Variants in MB21D2 observed in about 807,000 individuals in gnomAD.
MB21D2 encodes Mab-21 domain containing 2.
MB21D2 carries 9 observed loss-of-function variants against 33.3 expected under a neutral mutation model. The ratio of observed to expected loss-of-function variants is 0.27; its 90% CI spans 0.16 to 0.47. MB21D2 has a LOEUF of 0.47. MB21D2 is among the 20% of genes least tolerant of loss of function. The pLI, the probability that MB21D2 is intolerant of heterozygous loss-of-function variation, is 0.99. For missense variants in MB21D2, 540 were observed against 624.6 expected (o/e 0.86, Z 1.44); for synonymous variants, 241 against 236.3 (o/e 1.02, Z -0.18).
chr3:192,868,228 T>C lies in MB21D2; in HGVS notation c.211+49402A>G, dbSNP rs555032465. 3.3e-5 allele frequency among the ~76,000 whole-genome samples: 5 copies of C among 152,342 alleles called. No individual in the cohort carries two copies. In the South Asian group the frequency reaches 6.2e-4, roughly 19 times the overall value. On this transcript the variant is annotated intron_variant, in intron 1 of 1. Coordinates refer to ENST00000392452, the MANE Select transcript of MB21D2 (RefSeq NM_178496.4). ...TCCAGCTCTTAGCCCATCCTCACTA[T>C]GGCAGTCATATCCAAAAGATAGAAG...
At chr3:192,859,026 C>G (rs1712979267) in intron 1 of MB21D2, among the ~76,000 whole-genome samples, 1 of 152,116 alleles carries the variant, frequency 6.6e-6, no homozygotes, top group African/African-American at 2.4e-5. Flanking sequence ...GAAAACTAAG[C>G]CTTTGGAAGG....
At chr3:192,872,591 A>T (rs1343705774) in intron 1 of MB21D2, among the ~76,000 whole-genome samples, 2 of 135,684 alleles carry the variant, frequency 1.5e-5, no homozygotes, top group South Asian at 2.5e-4. Flanking sequence ...AAAAAAAAAA[A>T]GTTGCAAAGC....
chr3:192,852,606 T>G (rs1293361382), intron 1 of MB21D2, among the ~76,000 whole-genome samples: 1 of 152,234 alleles, frequency 6.6e-6, no homozygotes, highest in Non-Finnish European at 1.5e-5. Flanking sequence ...CTAAGTTTCT[T>G]GCATCCTTTT....
In MB21D2 at chr3:192,799,907, G is replaced by A. The variant is rs1711521670; in HGVS notation, c.212-257C>T. ...CAGTATCGTTTTCAATAATAAAACA[G>A]GGCCCCTCTTCCCCCAGTCATCATC... On this transcript the variant is annotated intron_variant, in intron 1 of 1. Coordinates refer to ENST00000392452, the MANE Select transcript of MB21D2 (RefSeq NM_178496.4). This position sits in a 1 kb window ranked among gnomAD's most constrained non-coding sequence, Gnocchi z 4.1. 2.0e-5 allele frequency among the ~76,000 whole-genome samples: 3 copies of A among 152,080 alleles called. No homozygotes were observed. The highest frequency in any genetic ancestry group is 1.3e-4 in the Admixed American group (2 of 15,268).
At chr3:192,820,449 G>C (rs1297623391) in intron 1 of MB21D2, among the ~76,000 whole-genome samples, 1 of 152,128 alleles carries the variant, frequency 6.6e-6, no homozygotes, top group Non-Finnish European at 1.5e-5. Context: ...GAAAGGACTC[G>C]TACAGAAGTT....
intron 1 of MB21D2, among the ~76,000 whole-genome samples, chr3:192,855,136 T>C (rs1712887795): frequency 6.6e-6 from 1 of 152,230 alleles, no homozygotes; most frequent in Non-Finnish European, 1.5e-5. Flanking sequence ...CTTGCTCTGT[T>C]GCCCAGAGCT....
chr3:192,851,565 G>A (rs1712807316), intron 1 of MB21D2, among the ~76,000 whole-genome samples: 1 of 143,036 alleles, frequency 7.0e-6, no homozygotes, highest in Non-Finnish European at 1.5e-5. Flanking sequence ...CACGATCTTG[G>A]CTCACTGAAA....
chr3:192,900,142 G>C (rs1245152026), intron 1 of MB21D2, among the ~76,000 whole-genome samples: 4 of 152,042 alleles, frequency 2.6e-5, no homozygotes, highest in African/African-American at 9.6e-5. Context: ...AAATTAGCCA[G>C]GCGTCGTGGC....
intron 1 of MB21D2, among the ~76,000 whole-genome samples, chr3:192,857,078 T>C (rs1712933409): frequency 6.6e-6 from 1 of 151,992 alleles, no homozygotes; most frequent in African/African-American, 2.4e-5. Context: ...CTTTTCACAA[T>C]AAAAGAGACT....
At chr3:192,814,124 T>C (rs1711854941) in intron 1 of MB21D2, among the ~76,000 whole-genome samples, 1 of 152,128 alleles carries the variant, frequency 6.6e-6, no homozygotes, top group Non-Finnish European at 1.5e-5. Context: ...ATCAGTAATA[T>C]CCTAAAAACA....
chr3:192,830,218 T>C (rs931382303), intron 1 of MB21D2, among the ~76,000 whole-genome samples: 15 of 147,062 alleles, frequency 1.0e-4, no homozygotes, highest in Non-Finnish European at 1.6e-4. Context: ...AGTATGTTAA[T>C]GCTTCAAAGA....
At chr3:192,910,255 C>T (rs1305593231) in intron 1 of MB21D2, among the ~76,000 whole-genome samples, 4 of 119,052 alleles carry the variant, frequency 3.4e-5, no homozygotes, top group Non-Finnish European at 4.9e-5. Context: ...CACTTGAGCC[C>T]AAGAGTTCAA....
intron 1 of MB21D2, among the ~76,000 whole-genome samples, chr3:192,894,577 A>C (rs1373432675): frequency 1.3e-5 from 2 of 152,124 alleles, no homozygotes; most frequent in African/African-American, 2.4e-5. Context: ...GGAGAAACAA[A>C]CCTGAGAACA....
chr3:192,851,668 TA>T lies in MB21D2; in HGVS notation c.212-52019del, dbSNP rs201095372. ...CACCGCCATATCCCGCTAATTTTTG[TA>T]TTTTTTTTTTAGTAAAGACAGGGTT... On this transcript the variant is annotated intron_variant, in intron 1 of 1. Transcript: ENST00000392452. Among the ~76,000 whole-genome samples the T allele has an allele frequency of 5.4e-5, 5 of 92,794 alleles. No individual in the cohort carries two copies. In the East Asian group the frequency reaches 2.3e-3, roughly 43 times the overall value. The allele number at this position is 92,794 out of a possible 152,430, so 60.9% of individuals were successfully genotyped here.
intron 1 of MB21D2, among the ~76,000 whole-genome samples, chr3:192,887,518 A>C (rs1713758495): frequency 6.6e-6 from 1 of 152,178 alleles, no homozygotes; most frequent in African/African-American, 2.4e-5. Context: ...ATTCAAAAAA[A>C]GGAAAAAGAT....
chr3:192,806,790 A>G (rs1380238710), intron 1 of MB21D2, among the ~76,000 whole-genome samples: 2 of 152,224 alleles, frequency 1.3e-5, no homozygotes, highest in East Asian at 3.8e-4. Flanking sequence ...CTAATCTTCC[A>G]TTATTTTCCT....
At chr3:192,892,303 A>G (rs955652757) in intron 1 of MB21D2, among the ~76,000 whole-genome samples, 1 of 152,160 alleles carries the variant, frequency 6.6e-6, no homozygotes, top group Non-Finnish European at 1.5e-5. Context: ...CATTTTACAG[A>G]TGAGGATTTA....
chr3:192,871,921 T>C (rs879715911), intron 1 of MB21D2, among the ~76,000 whole-genome samples: 2 of 152,180 alleles, frequency 1.3e-5, no homozygotes, highest in South Asian at 4.1e-4. Flanking sequence ...CCTTGGGTAC[T>C]GGATAGAGAC....
chr3:192,819,559 G>T (rs985151621), intron 1 of MB21D2, among the ~76,000 whole-genome samples: 1 of 152,106 alleles, frequency 6.6e-6, no homozygotes, highest in African/African-American at 2.4e-5. Flanking sequence ...TCTATTTGAG[G>T]GAAGAGTCCT....
Sources: gnomAD v4.1 joint callset for allele counts (sites outside exome capture counted in the v4.1 genomes callset) on GRCh38, gnomAD v4.1.1 for gene constraint, Gnocchi (gnomAD v3.1) non-coding constraint, MANE v1.5 for transcripts, NCBI Gene and HGNC (gene_info 2026-07-23, HGNC 2026-07-21) for gene names.